The following PGBD5 variants were observed in gnomAD, a reference collection of about 807,000 sequenced individuals.
PGBD5 encodes the protein piggyBac transposable element-derived protein 5.
PGBD5 carries 14 observed loss-of-function variants against 47.9 expected under a neutral mutation model. The observed-to-expected ratio is 0.29, with a 90% CI of 0.19 to 0.46. PGBD5 has a LOEUF of 0.46. PGBD5 is among the 20% of genes least tolerant of loss of function. The pLI is 1.00. For synonymous variants in PGBD5, 316 were observed against 306.3 expected (o/e 1.03, Z -0.33); for missense variants, 635 against 716.0 (o/e 0.89, Z 1.29).
At chr1:230,405,781 CA>C (rs1657285241) in intron 1 of PGBD5, among the ~76,000 whole-genome samples, 1 of 152,208 alleles carries the variant, frequency 6.6e-6, no homozygotes, top group African/African-American at 2.4e-5. Context: ...TGGGCCTTCT[CA>C]GGGGTGAATA....
intron 1 of PGBD5, among the ~76,000 whole-genome samples, chr1:230,411,053 G>A (rs1354312736): frequency 6.6e-6 from 1 of 152,076 alleles, no homozygotes; most frequent in African/African-American, 2.4e-5. Flanking sequence ...GAAGTGGGAA[G>A]ACTGTTTGTG....
At chr1:230,373,826 C>T (rs1571846883) in intron 1 of PGBD5, among the ~76,000 whole-genome samples, 3 of 151,960 alleles carry the variant, frequency 2.0e-5, no homozygotes, top group South Asian at 4.2e-4. Context: ...CCTTAGTTGC[C>T]GGAACTACAG....
chr1:230,392,596 C>T (rs1656816163), intron 1 of PGBD5, among the ~76,000 whole-genome samples: 1 of 152,220 alleles, frequency 6.6e-6, no homozygotes, highest in Non-Finnish European at 1.5e-5. Context: ...CTCCTCCGGA[C>T]TCTCCTCCTT....
chr1:230,424,806 A>G (rs531373871), intron 1 of PGBD5, among the ~76,000 whole-genome samples: 1 of 152,340 alleles, frequency 6.6e-6, no homozygotes, highest in South Asian at 2.1e-4. Context: ...GCTTCTGCAG[A>G]GGAAGTGGTG....
rs552472188 is a variant in PGBD5, at chr1:230,348,124, G to A, written c.894+2834C>T. ...CGGTCAGCTGCAACTGAGCTTCCCC[G>A]CTAAGTCATTCAGGAGAGCTCAATG... is the stretch of plus-strand genomic sequence containing the variant. On this transcript the variant is annotated intron_variant, in intron 3 of 6. Coordinates refer to ENST00000391860, the MANE Select transcript of PGBD5 (RefSeq NM_001258311.2). 2.6e-5 allele frequency among the ~76,000 whole-genome samples: 4 copies of A among 152,270 alleles called. No homozygotes were observed. The South Asian group carries it at 8.3e-4, about 32-fold the overall frequency.
chr1:230,352,063 C>T (rs1667567442), intron 2 of PGBD5, among the ~76,000 whole-genome samples: 1 of 151,522 alleles, frequency 6.6e-6, no homozygotes, highest in Non-Finnish European at 1.5e-5. Flanking sequence ...ATGAAGAGTG[C>T]AGGCAATGAT....
intron 1 of PGBD5, among the ~76,000 whole-genome samples, chr1:230,424,710 G>C (rs572450606): frequency 1.2e-4 from 19 of 152,388 alleles, no homozygotes; most frequent in African/African-American, 4.1e-4. Flanking sequence ...AGGAGCACGG[G>C]CCTGCTACAG....
At chr1:230,417,367 T>G (rs1170051794) in intron 1 of PGBD5, among the ~76,000 whole-genome samples, 1 of 152,220 alleles carries the variant, frequency 6.6e-6, no homozygotes, top group Non-Finnish European at 1.5e-5. Flanking sequence ...CCCCTCCCTG[T>G]GGGATCCAGG....
chr1:230,413,594 AT>A (rs780404977), intron 1 of PGBD5, among the ~76,000 whole-genome samples: 3 of 152,016 alleles, frequency 2.0e-5, no homozygotes, highest in Non-Finnish European at 4.4e-5. Context: ...TGCAATGGAG[AT>A]TTTTTAAATC....
intron 1 of PGBD5, among the ~76,000 whole-genome samples, chr1:230,410,919 A>C (rs1657393870): frequency 6.6e-6 from 1 of 152,180 alleles, no homozygotes; most frequent in Non-Finnish European, 1.5e-5. Context: ...ATTAAGCATA[A>C]GATAAAGAAA....
At chr1:230,363,581 CA>C (rs58358621) in intron 1 of PGBD5, among the ~76,000 whole-genome samples, 4,261 of 138,344 alleles carry the variant, frequency 0.031, 181 homozygotes, top group African/African-American at 0.1. Context: ...GACTCCATCT[CA>C]AAAAAAAAAA....
intron 1 of PGBD5, among the ~76,000 whole-genome samples, chr1:230,413,254 C>T (rs1271554154): frequency 2.0e-5 from 3 of 152,180 alleles, no homozygotes; most frequent in Non-Finnish European, 4.4e-5. Context: ...CAGCCATCCA[C>T]ACTCCCACCC....
intron 1 of PGBD5, among the ~76,000 whole-genome samples, chr1:230,387,384 A>G (rs1033837126): frequency 6.6e-6 from 1 of 152,196 alleles, no homozygotes; most frequent in Non-Finnish European, 1.5e-5. Flanking sequence ...TAGATTTAGA[A>G]GCAGAATAAA....
chr1:230,358,294 G>A lies in PGBD5; in HGVS notation c.332-973C>T, dbSNP rs187911138. Among the ~76,000 whole-genome samples, 9 of 152,238 alleles carry A rather than the reference G, an allele frequency of 5.9e-5. No individual in the cohort carries two copies. The East Asian group carries it at 1.5e-3, about 26-fold the overall frequency. The stretch of plus-strand genomic sequence containing the variant: ...CTGAAGAGAAAAAGACACATAAGGG[G>A]AGGGAGGAGATGCAAAGACACGTGG... On this transcript the variant is annotated intron_variant, in intron 1 of 6. Transcript: ENST00000391860.
intron 1 of PGBD5, among the ~76,000 whole-genome samples, chr1:230,399,704 C>T (rs540257672): frequency 7.1e-4 from 108 of 152,286 alleles, no homozygotes; most frequent in Non-Finnish European, 9.0e-4. Flanking sequence ...GAAGGACCCC[C>T]GCAGACCGGA....
At chr1:230,375,955 G>A (rs1349930464) in intron 1 of PGBD5, among the ~76,000 whole-genome samples, 8 of 151,498 alleles carry the variant, frequency 5.3e-5, no homozygotes, top group Non-Finnish European at 1.2e-4. Context: ...GCCTCAGTCC[G>A]CCTACCTTGC....
At chr1:230,421,356 A>AT (rs946135617) in intron 1 of PGBD5, among the ~76,000 whole-genome samples, 1 of 152,096 alleles carries the variant, frequency 6.6e-6, no homozygotes. Flanking sequence ...AAAAATAAAT[A>AT]TTTTTTACTG....
chr1:230,370,258 C>T (rs994893605), intron 1 of PGBD5, among the ~76,000 whole-genome samples: 9 of 152,190 alleles, frequency 5.9e-5, no homozygotes, highest in African/African-American at 2.2e-4. Context: ...CTGTTGGCAC[C>T]ATCCTCTTCA....
intron 1 of PGBD5, chr1:230,367,898 T>C (rs1381365449): frequency 4.5e-6 from 6 of 1,325,842 alleles, no homozygotes; most frequent in Admixed American, 4.4e-5. Context: ...GCTCTGCAGG[T>C]GAATGCAGAG....
Sources: allele counts gnomAD v4.1 joint callset (sites outside exome capture counted in the v4.1 genomes callset), GRCh38; gene constraint gnomAD v4.1.1; transcripts MANE v1.5; gene names NCBI Gene and HGNC (gene_info 2026-07-23, HGNC 2026-07-21).